Variants in KCNG2 observed in about 807,000 individuals in gnomAD.
KCNG2 encodes the protein potassium voltage-gated channel modifier subfamily G member 2, also known as voltage-gated potassium channel regulatory subunit KCNG2.
KCNG2 carries 7 observed loss-of-function variants against 12.3 expected under a neutral mutation model. The observed-to-expected ratio is 0.57, with a 90% CI of 0.32 to 1.07. The LOEUF is 1.07. Ranked by LOEUF, KCNG2 falls within the 50% of genes least tolerant of loss-of-function variation. The probability of loss-of-function intolerance (pLI) is 0.04; values close to 1 mark genes in which losing one functional copy is unlikely to be tolerated. For missense variants in KCNG2, 703 were observed against 726.0 expected, an observed-to-expected ratio of 0.97 and a Z score of 0.36; for synonymous variants, 414 against 351.4, an observed-to-expected ratio of 1.18 and a Z score of -1.99.
rs1170872698 is a variant in KCNG2, at chr18:79,884,090, CT to C, written c.625-14949del. 5.9e-5 allele frequency among the ~76,000 whole-genome samples: 9 copies of C among 152,030 alleles called. No homozygotes were observed. The highest frequency in any genetic ancestry group is 2.2e-4 in the African/African-American group (9 of 41,380). On this transcript the variant is annotated intron_variant, in intron 3 of 3. Coordinates refer to ENST00000316249, the MANE Select transcript of KCNG2 (RefSeq NM_012283.2). This position sits in a 1 kb window ranked among gnomAD's most constrained non-coding sequence, Gnocchi z 5.5. The stretch of plus-strand genomic sequence containing the variant: ...CCCAGTGCCTCCCGGAGGCTGGGCC[CT>C]CTTCTCCCACCAGCCTCCCGCCTGC...
rs1374354453 is a variant in KCNG2 at position 79,863,692 on chromosome 18, G to GGCA, written c.27_28insAGC (p.Gly9_Gly10insSer). ...CATGGAGCCATGGCCCTGCTCCCCG[G>GGCA]GCGGCGGCGGCGGGACCCGCGCCCG... On this transcript the variant is annotated inframe_insertion, in exon 3 of 4. Transcript: ENST00000316249. 2 of 1,031,116 alleles carry GGCA rather than the reference G, an allele frequency of 1.9e-6. No individual in the cohort carries two copies. Among genetic ancestry groups the GGCA allele is most frequent in the Admixed American group, 1.5e-4 (2 of 13,048 alleles). The allele number at this position is 1,031,116 out of a possible 1,614,324, so 63.9% of individuals were successfully genotyped here.
At chr18:79,866,371 G>A (rs1599408294) in intron 3 of KCNG2, among the ~76,000 whole-genome samples, 1 of 123,712 alleles carries the variant, frequency 8.1e-6, no homozygotes, top group Admixed American at 8.0e-5. Context: ...AGGTCTGGGT[G>A]CTGAGGTCTG....
chr18:79,837,925 G>A (rs1265777005), intron 1 of KCNG2, among the ~76,000 whole-genome samples: 1 of 152,188 alleles, frequency 6.6e-6, no homozygotes, highest in African/African-American at 2.4e-5. Flanking sequence ...CTGAGACTGG[G>A]TAATTTATGA....
At chr18:79,867,459 GGGGA>G (rs1206397026) in intron 3 of KCNG2, among the ~76,000 whole-genome samples, 1 of 127,742 alleles carries the variant, frequency 7.8e-6, no homozygotes, top group African/African-American at 2.8e-5. Context: ...GTCTTGGGGG[GGGGA>G]CCGTGAGCCC....
chr18:79,825,965 G>T (rs1467136952), intron 1 of KCNG2, among the ~76,000 whole-genome samples: 1 of 152,240 alleles, frequency 6.6e-6, no homozygotes, highest in Non-Finnish European at 1.5e-5. Context: ...TCTGGGACCT[G>T]CCCTTTCTTT....
chr18:79,815,728 G>C (rs962210016), intron 1 of KCNG2, among the ~76,000 whole-genome samples: 2 of 152,220 alleles, frequency 1.3e-5, no homozygotes, highest in African/African-American at 2.4e-5. Context: ...GGGGCTGTTA[G>C]GAAAGGGGTC....
At chr18:79,873,294 C>T (rs1270210420) in intron 3 of KCNG2, among the ~76,000 whole-genome samples, 1 of 152,130 alleles carries the variant, frequency 6.6e-6, no homozygotes, top group African/African-American at 2.4e-5. Flanking sequence ...TTTTCCCAGG[C>T]TGTTGTTTTT....
intron 1 of KCNG2, among the ~76,000 whole-genome samples, chr18:79,826,360 G>T (rs1417195938): frequency 6.6e-6 from 1 of 152,266 alleles, no homozygotes; most frequent in African/African-American, 2.4e-5. Flanking sequence ...TACGGCGCCC[G>T]TTCTGCTCCC....
chr18:79,801,352 C>T (rs1473675174), intron 1 of KCNG2, among the ~76,000 whole-genome samples: 2 of 152,222 alleles, frequency 1.3e-5, no homozygotes, highest in East Asian at 3.9e-4. Flanking sequence ...AGCTCTGCGT[C>T]CTCCTCCCCC....
chr18:79,877,954 C>T (rs1980139769), intron 3 of KCNG2, among the ~76,000 whole-genome samples: 1 of 152,226 alleles, frequency 6.6e-6, no homozygotes, highest in Non-Finnish European at 1.5e-5. Context: ...ATGCCCATTC[C>T]GCCTGGCACC....
intron 2 of KCNG2, 97 bp from the exon 3 acceptor site, chr18:79,863,531 G>C: frequency 9.0e-6 from 9 of 997,510 alleles, no homozygotes; most frequent in Non-Finnish European, 1.1e-5. Flanking sequence ...GCTCACCTCC[G>C]AGGGTTCGGT....
chr18:79,833,564 G>A (rs1978307781), intron 1 of KCNG2, among the ~76,000 whole-genome samples: 1 of 152,200 alleles, frequency 6.6e-6, no homozygotes, highest in Admixed American at 6.5e-5. Context: ...GAAAGTATAA[G>A]TTCATAGAAC....
chr18:79,866,777 T>G (rs113018896), intron 3 of KCNG2, among the ~76,000 whole-genome samples: 2,587 of 19,456 alleles, frequency 0.13, 73 homozygotes, highest in Non-Finnish European at 0.31. Flanking sequence ...GAGAGGTCTG[T>G]ATGCTGAGAG....
intron 1 of KCNG2, among the ~76,000 whole-genome samples, chr18:79,853,327 G>C (rs1023922249): frequency 2.6e-5 from 4 of 152,198 alleles, no homozygotes; most frequent in Admixed American, 6.5e-5. Context: ...TGAGTCTGAC[G>C]AGAGGTCAGG....
chr18:79,872,646 G>A (rs534950360), intron 3 of KCNG2, among the ~76,000 whole-genome samples: 9 of 152,312 alleles, frequency 5.9e-5, no homozygotes, highest in South Asian at 2.1e-4. Flanking sequence ...AGTACGAGGC[G>A]CAGTTGCGGG....
intron 3 of KCNG2, among the ~76,000 whole-genome samples, chr18:79,873,419 G>GCCCC (rs1568266003): frequency 1.0e-4 from 12 of 120,410 alleles, no homozygotes; most frequent in Non-Finnish European, 1.6e-4. Flanking sequence ...GCTCCTGCCG[G>GCCCC]CCCCCCTCCC....
chr18:79,818,446 G>GC (rs1246349509), intron 1 of KCNG2, among the ~76,000 whole-genome samples: 4 of 152,050 alleles, frequency 2.6e-5, no homozygotes, highest in Non-Finnish European at 4.4e-5. Context: ...CCGCTGCCTG[G>GC]CCCCCTCGAT....
chr18:79,803,379 A>G lies in KCNG2; in HGVS notation c.-115+5365A>G, dbSNP rs1365115360. 6.6e-6 allele frequency among the ~76,000 whole-genome samples: 1 copy of G among 152,242 alleles called. No individual in the cohort carries two copies. Among genetic ancestry groups the G allele is most frequent in the Non-Finnish European group, 1.5e-5 (1 of 68,052 alleles). ...AGATGACAGTTTCTGACTGTGAACA[A>G]ATTTCCTTGATTTAATTTTCCCTTG... On this transcript the variant is annotated intron_variant, in intron 1 of 3. Coordinates refer to ENST00000316249, the MANE Select transcript of KCNG2 (RefSeq NM_012283.2). The surrounding 1 kb of genome is among the most constrained non-coding windows in gnomAD (Gnocchi z 4.5).
chr18:79,812,586 C>A (rs4798916), intron 1 of KCNG2, among the ~76,000 whole-genome samples: 44 of 152,276 alleles, frequency 2.9e-4, no homozygotes, highest in African/African-American at 9.9e-4. Flanking sequence ...ATAAGCCGGG[C>A]CTGGTGGCTC....
Sources: gnomAD v4.1 joint callset for allele counts (sites outside exome capture counted in the v4.1 genomes callset) on GRCh38, gnomAD v4.1.1 for gene constraint, Gnocchi (gnomAD v3.1) non-coding constraint, MANE v1.5 for transcripts, NCBI Gene and HGNC (gene_info 2026-07-23, HGNC 2026-07-21) for gene names.